The following RTP2 variants were observed in gnomAD, a reference collection of about 807,000 sequenced individuals.
RTP2 encodes receptor-transporting protein 2.
A neutral mutation model predicts 17.9 loss-of-function variants in RTP2; 12 were observed. The ratio of observed to expected loss-of-function variants is 0.67; its 90% CI spans 0.43 to 1.09. RTP2 has a LOEUF of 1.09. Ranked by LOEUF, RTP2 falls within the 50% of genes least tolerant of loss-of-function variation. The pLI is 0.00. For missense variants in RTP2, 327 were observed against 295.7 expected, an observed-to-expected ratio of 1.11 and a Z score of -0.78; for synonymous variants, 126 against 117.7, an observed-to-expected ratio of 1.07 and a Z score of -0.46.
chr3:187,698,300 C>G, exon 2 of RTP2: 1 of 575,180 alleles, frequency 1.7e-6, no homozygotes, highest in Non-Finnish European at 3.0e-6. Flanking sequence ...CCCCTTCCCC[C>G]AATTATTGTC....
chr3:187,698,717 C>T (rs1717756002), exon 2 of RTP2: 1 of 1,614,124 alleles, frequency 6.2e-7, no homozygotes, highest in Non-Finnish European at 8.5e-7. Context: ...CCTCACAGAA[C>T]TCTGCACGAT....
chr3:187,701,869 A>C, intron 1 of RTP2, 96 bp downstream of exon 1: 6 of 257,114 alleles, frequency 2.3e-5, no homozygotes, highest in Non-Finnish European at 3.5e-5. Flanking sequence ...TGACACCAGA[A>C]TAAGCCCGCG....
At chr3:187,702,809 T>C (rs1045910554), upstream of RTP2, among the ~76,000 whole-genome samples, 2 of 152,362 alleles carry the variant, frequency 1.3e-5, no homozygotes, top group African/African-American at 4.8e-5. Flanking sequence ...TAACAGGGAA[T>C]TGAGTGAGAA....
chr3:187,708,779 A>G, the RTP2 span, among the ~76,000 whole-genome samples: 2 of 152,306 alleles, frequency 1.3e-5, no homozygotes, highest in South Asian at 4.1e-4. Flanking sequence ...CAAGAACCCT[A>G]TGAGGTGGAT....
exon 1 of RTP2, chr3:187,702,234 G>T: frequency 8.7e-7 from 1 of 1,147,566 alleles, no homozygotes; most frequent in Non-Finnish European, 1.3e-6. Flanking sequence ...AATCCTCATC[G>T]GCAGGACTGG....
exon 1 of RTP2, chr3:187,702,008 C>T (rs1717862920): frequency 2.5e-6 from 4 of 1,611,738 alleles, no homozygotes; most frequent in Non-Finnish European, 3.4e-6. Context: ...CAGCCAGGGG[C>T]CAGCTCACTG....
chr3:187,704,042 C>T (rs757217395), upstream of RTP2, among the ~76,000 whole-genome samples: 4 of 152,150 alleles, frequency 2.6e-5, no homozygotes, highest in African/African-American at 9.7e-5. Flanking sequence ...CCAGAACCCA[C>T]GATTTAAGAG....
the RTP2 span, among the ~76,000 whole-genome samples, chr3:187,709,303 C>T: frequency 6.6e-6 from 1 of 152,272 alleles, no homozygotes; most frequent in East Asian, 1.9e-4. Context: ...TGTTTGTGAG[C>T]CTCTATTAGC....
chr3:187,704,630 C>G (rs1717944666), upstream of RTP2, among the ~76,000 whole-genome samples: 1 of 152,178 alleles, frequency 6.6e-6, no homozygotes. Context: ...GAAATAGATC[C>G]AGGACAAATG....
At chr3:187,705,077 T>C (rs1466645321), upstream of RTP2, among the ~76,000 whole-genome samples, 1 of 152,172 alleles carries the variant, frequency 6.6e-6, no homozygotes, top group Non-Finnish European at 1.5e-5. Flanking sequence ...TTTCCGGGTC[T>C]TATTATCCTA....
At chr3:187,711,419 C>T in the RTP2 span, among the ~76,000 whole-genome samples, 1 of 152,164 alleles carries the variant, frequency 6.6e-6, no homozygotes, top group Non-Finnish European at 1.5e-5. Flanking sequence ...CTCAGCTTTC[C>T]TTGTTTGACC....
upstream of RTP2, among the ~76,000 whole-genome samples, chr3:187,704,339 TA>T (rs1717936676): frequency 6.6e-6 from 1 of 152,150 alleles, no homozygotes; most frequent in East Asian, 1.9e-4. Context: ...GTGTGGAGCT[TA>T]AAATGACAAA....
rs760295426 is a variant in RTP2 at position 187,698,783 on chromosome 3, C to G, written c.393G>C (p.Glu131Asp). ...GGATGCGGTACTGGCCACCATCCTC[C>G]TCGTAGCACTGCTCGCGCAGGCTGG... Residue 131 changes from glutamate to aspartate, a missense_variant, in exon 2 of 2, where the codon GAG becomes GAC. By Grantham distance (45) the Glu-to-Asp change is conservative. Coordinates refer to ENST00000358241, the Ensembl canonical transcript of RTP2. 82 of 1,613,760 alleles carry G rather than the reference C, an allele frequency of 5.1e-5. No individual in the cohort carries two copies. The highest frequency in any genetic ancestry group is 1.6e-4 in the Middle Eastern group (1 of 6,084).
chr3:187,707,688 C>T, the RTP2 span, among the ~76,000 whole-genome samples: 2 of 152,244 alleles, frequency 1.3e-5, no homozygotes, highest in Middle Eastern at 3.4e-3. Flanking sequence ...TTAGAGGGGA[C>T]GTGAAATTAC....
chr3:187,698,291 C>T, exon 2 of RTP2: 1 of 563,640 alleles, frequency 1.8e-6, no homozygotes, highest in Non-Finnish European at 3.1e-6. Flanking sequence ...CACCCTTTTC[C>T]CCTTCCCCCA....
At chr3:187,705,134 AAGAC>A (rs2108544394), upstream of RTP2, among the ~76,000 whole-genome samples, 1 of 152,306 alleles carries the variant, frequency 6.6e-6, no homozygotes, top group East Asian at 1.9e-4. Flanking sequence ...AATACATAAA[AAGAC>A]AGATAGAAAT....
upstream of RTP2, among the ~76,000 whole-genome samples, chr3:187,707,541 C>G (rs2108545492): frequency 6.6e-6 from 1 of 152,232 alleles, no homozygotes; most frequent in East Asian, 1.9e-4. Context: ...AATGAAATGA[C>G]ATAGAATCAT....
exon 2 of RTP2, chr3:187,698,599 C>T (rs531918833): frequency 8.1e-6 from 13 of 1,614,118 alleles, no homozygotes; most frequent in Admixed American, 3.3e-5. Context: ...AAGTTGTAGC[C>T]GGATCCCGCC....
At chr3:187,703,265 G>A (rs1717900697), upstream of RTP2, among the ~76,000 whole-genome samples, 1 of 152,184 alleles carries the variant, frequency 6.6e-6, no homozygotes, top group Admixed American at 6.5e-5. Context: ...TGGATCCCTA[G>A]ACACGCAGAG....
Sources: allele counts gnomAD v4.1 joint callset (sites outside exome capture counted in the v4.1 genomes callset), GRCh38; gene constraint gnomAD v4.1.1; transcripts MANE v1.5; gene names NCBI Gene and HGNC (gene_info 2026-07-23, HGNC 2026-07-21).